LIPI: variants seen among roughly 807,000 people sequenced by gnomAD.
LIPI encodes the protein lipase I.
A neutral mutation model predicts 50.6 loss-of-function variants in LIPI; 59 were observed. That is an observed-to-expected ratio of 1.16 (90% CI 0.94 to 1.45). LIPI has a LOEUF of 1.45. LIPI is among the 40% of genes most tolerant of loss of function. The pLI, the probability that LIPI is intolerant of heterozygous loss-of-function variation, is 0.00. For missense variants in LIPI, 586 were observed against 536.3 expected (o/e 1.09, Z -0.92); for synonymous variants, 203 against 178.2 (o/e 1.14, Z -1.11).
intron 9 of LIPI, chr21:14,143,728 A>AT (rs2017798635): frequency 6.6e-6 from 1 of 152,108 alleles, no homozygotes; most frequent in South Asian, 2.1e-4. Context: ...TATAAAAGAG[A>AT]TTTTTAATAA....
At chr21:14,113,687 T>C (rs2016504570) in intron 9 of LIPI, among the ~76,000 whole-genome samples, 1 of 152,154 alleles carries the variant, frequency 6.6e-6, no homozygotes, top group Admixed American at 6.5e-5. Flanking sequence ...ATGAAAACTA[T>C]AAACCCACTG....
At chr21:14,150,268 C>T (rs2018044725) in intron 8 of LIPI, among the ~76,000 whole-genome samples, 1 of 152,196 alleles carries the variant, frequency 6.6e-6, no homozygotes, top group Non-Finnish European at 1.5e-5. Context: ...GGGATTACTA[C>T]AATTCAAGGT....
intron 9 of LIPI, chr21:14,143,887 A>T (rs986219966): frequency 4.5e-5 from 7 of 154,286 alleles, no homozygotes; most frequent in African/African-American, 1.7e-4. Context: ...ATGTCATAAG[A>T]AAAACACTTC....
intron 9 of LIPI, among the ~76,000 whole-genome samples, chr21:14,142,543 G>C (rs888573028): frequency 2.0e-5 from 3 of 150,780 alleles, no homozygotes; most frequent in African/African-American, 7.3e-5. Flanking sequence ...GAGTGCAGTG[G>C]CACAATTATG....
chr21:14,140,663 C>G (rs1260400646), intron 9 of LIPI, among the ~76,000 whole-genome samples: 1 of 152,008 alleles, frequency 6.6e-6, no homozygotes, highest in Non-Finnish European at 1.5e-5. Context: ...TATGACATAT[C>G]AAAGTCTTTT....
At chr21:14,119,102 G>A (rs1298415414) in intron 9 of LIPI, among the ~76,000 whole-genome samples, 2 of 152,180 alleles carry the variant, frequency 1.3e-5, no homozygotes, top group Admixed American at 6.5e-5. Context: ...ATTAGCCCCT[G>A]TAAGCCGAGA....
chr21:14,120,570 A>C (rs1448484209), intron 9 of LIPI, among the ~76,000 whole-genome samples: 1 of 152,228 alleles, frequency 6.6e-6, no homozygotes, highest in East Asian at 1.9e-4. Context: ...GACTACAGGA[A>C]ACAGAAAAGC....
intron 9 of LIPI, among the ~76,000 whole-genome samples, chr21:14,123,841 A>T (rs1167900453): frequency 6.6e-6 from 1 of 152,214 alleles, no homozygotes; most frequent in Non-Finnish European, 1.5e-5. Flanking sequence ...GAGACACTAT[A>T]TACCAAAATA....
At chr21:14,167,931 C>T (rs903772697) in intron 4 of LIPI, among the ~76,000 whole-genome samples, 1 of 152,088 alleles carries the variant, frequency 6.6e-6, no homozygotes, top group Non-Finnish European at 1.5e-5. Context: ...TACGGGAGGA[C>T]ATTCAAACCA....
At chr21:14,113,259 T>C (rs1399950045) in intron 9 of LIPI, among the ~76,000 whole-genome samples, 1 of 152,164 alleles carries the variant, frequency 6.6e-6, no homozygotes, top group Non-Finnish European at 1.5e-5. Flanking sequence ...AATCAACCAA[T>C]TGAAACTAAC....
intron 9 of LIPI, among the ~76,000 whole-genome samples, chr21:14,121,856 C>A (rs1337259768): frequency 6.7e-6 from 1 of 149,624 alleles, no homozygotes; most frequent in Non-Finnish European, 1.5e-5. Flanking sequence ...GACTGCCCTG[C>A]CCCAACCACA....
intron 8 of LIPI, among the ~76,000 whole-genome samples, chr21:14,145,623 G>A (rs1435786555): frequency 6.6e-6 from 1 of 151,998 alleles, no homozygotes; most frequent in East Asian, 1.9e-4. Context: ...AAGAGATGAA[G>A]GAAGAGAAAG....
chr21:14,171,140 T>A, intron 4 of LIPI, among the ~76,000 whole-genome samples: 1 of 150,262 alleles, frequency 6.7e-6, no homozygotes, highest in African/African-American at 2.5e-5. Flanking sequence ...ATAAAATACC[T>A]AGGAATCCAA....
intron 7 of LIPI, among the ~76,000 whole-genome samples, chr21:14,156,015 G>T (rs1002429448): frequency 2.0e-5 from 3 of 151,880 alleles, no homozygotes; most frequent in African/African-American, 7.2e-5. Context: ...ATTAAATGTG[G>T]GGAATGTAAA....
intron 9 of LIPI, among the ~76,000 whole-genome samples, chr21:14,129,735 A>C (rs1210371392): frequency 6.6e-6 from 1 of 151,896 alleles, no homozygotes; most frequent in African/African-American, 2.4e-5. Flanking sequence ...TATGATAGGT[A>C]AAATGCTGAT....
At chr21:14,185,368 T>TA (rs2019416269) in intron 3 of LIPI, among the ~76,000 whole-genome samples, 1 of 152,216 alleles carries the variant, frequency 6.6e-6, no homozygotes, top group African/African-American at 2.4e-5. Flanking sequence ...GAGTCATATT[T>TA]ACTTCTGTAT....
intron 7 of LIPI, among the ~76,000 whole-genome samples, chr21:14,160,373 G>T (rs576665874): frequency 6.0e-4 from 90 of 151,134 alleles, no homozygotes; most frequent in Non-Finnish European, 1.1e-3. Context: ...GATATATATT[G>T]ATATCTATAT....
At chr21:14,156,924 G>A (rs945617846) in intron 7 of LIPI, among the ~76,000 whole-genome samples, 11 of 151,834 alleles carry the variant, frequency 7.2e-5, no homozygotes, top group East Asian at 3.8e-4. Context: ...TAATCTTGCC[G>A]TCATTGAGGA....
At chr21:14,139,730 A>C (rs965475347) in intron 9 of LIPI, among the ~76,000 whole-genome samples, 1 of 152,156 alleles carries the variant, frequency 6.6e-6, no homozygotes, top group African/African-American at 2.4e-5. Flanking sequence ...CAGGATGATA[A>C]AAGTAGGCTT....
Sources: gnomAD v4.1 joint callset for allele counts (sites outside exome capture counted in the v4.1 genomes callset) on GRCh38, gnomAD v4.1.1 for gene constraint, MANE v1.5 for transcripts, NCBI Gene and HGNC (gene_info 2026-07-23, HGNC 2026-07-21) for gene names.